Variants in EYA1 observed in about 807,000 individuals in gnomAD.
EYA1 encodes protein phosphatase EYA1.
EYA1 carries 16 observed loss-of-function variants against 82.0 expected under a neutral mutation model. The observed-to-expected ratio is 0.20, with a 90% confidence interval of 0.13 to 0.30. The LOEUF (loss-of-function observed/expected upper bound fraction) is 0.30. EYA1 is among the 10% of genes least tolerant of loss of function. The pLI is 1.00. For synonymous variants in EYA1, 261 were observed against 264.4 expected, an observed-to-expected ratio of 0.99 and a Z score of 0.12; for missense variants, 633 against 730.7, an observed-to-expected ratio of 0.87 and a Z score of 1.54.
chr8:71,249,154 ATATG>A (rs1198571030), intron 11 of EYA1, among the ~76,000 whole-genome samples: 34 of 152,266 alleles, frequency 2.2e-4, no homozygotes, highest in African/African-American at 8.2e-4. Flanking sequence ...TTTCTGTGGC[ATATG>A]CCACTGCTGT....
At position 71,449,365 on chromosome 8, in the gene EYA1, T is replaced by G. The variant is rs945057560; in HGVS notation, c.33+86379A>C. 6 of 152,480 alleles carry G rather than the reference T, an allele frequency of 3.9e-5. No individual in the cohort carries two copies. In the East Asian group the frequency reaches 5.8e-4, roughly 15 times the overall value. 9.4% of individuals were successfully genotyped at this position (152,480 alleles called of 1,614,324 possible). A position where few individuals can be genotyped will look rare whatever the true frequency, so the allele number is the denominator to read the frequency against. On this transcript the variant is annotated intron_variant, in intron 2 of 18. Transcript: ENST00000643681. ...GATCCACGGGCTGCAGAATGGAAGC[T>G]GTGTTGGCAGGCATGAAAACAACAG...
chr8:71,199,478 C>CT, intron 17 of EYA1, 58 bp from the exon 18 acceptor site: 2 of 1,280,136 alleles, frequency 1.6e-6, no homozygotes. Context: ...GCCCTGCCAG[C>CT]TTTTTTGGAA....
At chr8:71,324,792 G>C (rs912795163) in intron 4 of EYA1, among the ~76,000 whole-genome samples, 1 of 152,098 alleles carries the variant, frequency 6.6e-6, no homozygotes, top group Non-Finnish European at 1.5e-5. Flanking sequence ...TCTATTTCAT[G>C]ACTCAGGTGG....
intron 2 of EYA1, among the ~76,000 whole-genome samples, chr8:71,403,263 A>G (rs1323926848): frequency 2.6e-5 from 4 of 152,234 alleles, no homozygotes; most frequent in Non-Finnish European, 5.9e-5. Flanking sequence ...TGATCAGACA[A>G]TTGGCAGAAG....
At chr8:71,400,895 A>G (rs1308962523) in intron 2 of EYA1, among the ~76,000 whole-genome samples, 2 of 152,250 alleles carry the variant, frequency 1.3e-5, no homozygotes, top group Non-Finnish European at 2.9e-5. Context: ...CCAAATGCCC[A>G]TCAATGATAG....
At chr8:71,311,346 A>C (rs77407129) in intron 7 of EYA1, among the ~76,000 whole-genome samples, 1 of 152,230 alleles carries the variant, frequency 6.6e-6, no homozygotes, top group African/African-American at 2.4e-5. Context: ...TCTGCTAAGC[A>C]GTTTTCTTAC....
chr8:71,529,700 T>C (rs1814108748), intron 2 of EYA1: 1 of 148,352 alleles, frequency 6.7e-6, no homozygotes, highest in African/African-American at 2.6e-5. Flanking sequence ...TCTTCCTACA[T>C]GGTGGATGAC....
At chr8:71,398,662 G>A (rs945194152) in intron 2 of EYA1, among the ~76,000 whole-genome samples, 7 of 152,168 alleles carry the variant, frequency 4.6e-5, no homozygotes, top group Non-Finnish European at 8.8e-5. Flanking sequence ...TGGAAGCTTC[G>A]TCTCAGAGGG....
At chr8:71,411,600 C>T (rs1030733559) in intron 2 of EYA1, among the ~76,000 whole-genome samples, 3 of 151,790 alleles carry the variant, frequency 2.0e-5, no homozygotes, top group Non-Finnish European at 2.9e-5. Context: ...CAAAAGAAGA[C>T]ATTTATGCAG....
At chr8:71,470,338 C>G (rs1354501493) in intron 2 of EYA1, among the ~76,000 whole-genome samples, 2 of 152,110 alleles carry the variant, frequency 1.3e-5, no homozygotes, top group Non-Finnish European at 2.9e-5. Context: ...ATTTACCTCT[C>G]TATCCCTGTC....
intron 2 of EYA1, among the ~76,000 whole-genome samples, chr8:71,418,306 T>C (rs931925491): frequency 6.6e-6 from 1 of 152,202 alleles, no homozygotes; most frequent in Non-Finnish European, 1.5e-5. Context: ...CTTTTCTAGC[T>C]ACTCTTAAAA....
At chr8:71,519,691 G>T (rs1813247280) in intron 2 of EYA1, among the ~76,000 whole-genome samples, 1 of 151,482 alleles carries the variant, frequency 6.6e-6, no homozygotes, top group Non-Finnish European at 1.5e-5. Context: ...AATCCCCTGG[G>T]TCACTGAAAA....
At chr8:71,276,773 TA>T (rs1173600147) in intron 9 of EYA1, among the ~76,000 whole-genome samples, 1 of 152,242 alleles carries the variant, frequency 6.6e-6, no homozygotes, top group East Asian at 1.9e-4. Context: ...GTCTAGATTT[TA>T]AGGCACTGAG....
chr8:71,290,012 C>A (rs771127278), intron 9 of EYA1, among the ~76,000 whole-genome samples: 2 of 152,018 alleles, frequency 1.3e-5, no homozygotes, highest in African/African-American at 4.8e-5. Flanking sequence ...ACCAAGGTGC[C>A]GAGTATAGAA....
intron 4 of EYA1, among the ~76,000 whole-genome samples, chr8:71,329,123 G>A (rs1039164042): frequency 2.0e-5 from 3 of 152,066 alleles, no homozygotes; most frequent in African/African-American, 4.8e-5. Context: ...TGTGGTGAAG[G>A]CCTCACTGAG....
chr8:71,394,834 C>A (rs946065684), intron 2 of EYA1, among the ~76,000 whole-genome samples: 2 of 152,096 alleles, frequency 1.3e-5, no homozygotes, highest in African/African-American at 4.8e-5. Context: ...TGAAGAAAGT[C>A]ATTGGTAGCT....
chr8:71,267,696 C>A (rs1586090102), intron 11 of EYA1, among the ~76,000 whole-genome samples: 1 of 152,054 alleles, frequency 6.6e-6, no homozygotes, highest in Non-Finnish European at 1.5e-5. Context: ...CTACAGGCAC[C>A]TGCCACCACG....
intron 17 of EYA1, among the ~76,000 whole-genome samples, chr8:71,200,347 G>T (rs1806819375): frequency 6.6e-6 from 1 of 152,196 alleles, no homozygotes; most frequent in Non-Finnish European, 1.5e-5. Context: ...GAAGCAAAGA[G>T]AAATGAGGGT....
intron 1 of EYA1, among the ~76,000 whole-genome samples, chr8:71,359,028 A>G (rs1827148957): frequency 6.6e-6 from 1 of 152,124 alleles, no homozygotes; most frequent in Non-Finnish European, 1.5e-5. Flanking sequence ...TTCCCATAAC[A>G]TAACAAATGG....
Sources: allele counts gnomAD v4.1 joint callset (sites outside exome capture counted in the v4.1 genomes callset), GRCh38; gene constraint gnomAD v4.1.1; transcripts MANE v1.5; gene names NCBI Gene and HGNC (gene_info 2026-07-23, HGNC 2026-07-21).